The following CACNA1I variants were observed in gnomAD, a reference collection of about 807,000 sequenced individuals.
The protein encoded by CACNA1I is calcium voltage-gated channel subunit alpha1 I, also known as voltage-dependent T-type calcium channel subunit alpha-1I.
CACNA1I carries 74 observed loss-of-function variants against 201.6 expected under a neutral mutation model. The observed-to-expected ratio is 0.37, with a 90% CI of 0.30 to 0.45. CACNA1I has a LOEUF of 0.45. CACNA1I is among the 20% of genes least tolerant of loss of function. The pLI is 1.00. For missense variants in CACNA1I, 2,346 were observed against 3,138.1 expected, an observed-to-expected ratio of 0.75 and a Z score of 6.03; for synonymous variants, 1,431 against 1,345.2, an observed-to-expected ratio of 1.06 and a Z score of -1.40.
Position 39,641,122 on chromosome 22 carries a change from C to T in CACNA1I, c.996C>T (p.Asn332=). The T allele has an allele frequency of 1.2e-6, 2 of 1,614,004 alleles. No individual in the cohort carries two copies. Among genetic ancestry groups the T allele is most frequent in the Non-Finnish European group, 1.7e-6 (2 of 1,179,884 alleles). Residue 332 remains asparagine (N), a synonymous_variant, in exon 6 of 37, where the codon AAC becomes AAT. Coordinates refer to ENST00000402142, the MANE Select transcript of CACNA1I (RefSeq NM_021096.4). Reference sequence around the variant, plus strand: ...ATGTGTGCCGCACGGGCAGCGCCAACCCCCACAAGGGTGCCATCAACTTTG... The same window carrying T: ...ATGTGTGCCGCACGGGCAGCGCCAATCCCCACAAGGGTGCCATCAACTTTG... ...YYNVCRTGSA[N]PHKGAINFDN...
intron 1 of CACNA1I, among the ~76,000 whole-genome samples, chr22:39,579,294 T>C (rs1052340435): frequency 2.0e-5 from 3 of 152,200 alleles, no homozygotes; most frequent in African/African-American, 7.2e-5. Flanking sequence ...CTGGGGAGAC[T>C]GAGGCCCGGG....
At chr22:39,657,819 T>C (rs1934871818) in intron 10 of CACNA1I, among the ~76,000 whole-genome samples, 1 of 152,250 alleles carries the variant, frequency 6.6e-6, no homozygotes, top group Admixed American at 6.5e-5. Flanking sequence ...CCGTGTGACC[T>C]CAGGCTGGCC....
At chr22:39,680,638 C>T (rs1935675932) in intron 33 of CACNA1I, among the ~76,000 whole-genome samples, 1 of 152,192 alleles carries the variant, frequency 6.6e-6, no homozygotes, top group African/African-American at 2.4e-5. Flanking sequence ...GGCAAGCAGA[C>T]AGCTGTGGAG....
chr22:39,668,049 A>G (rs1935250986), intron 23 of CACNA1I, among the ~76,000 whole-genome samples: 1 of 152,214 alleles, frequency 6.6e-6, no homozygotes, highest in Non-Finnish European at 1.5e-5. Flanking sequence ...AGCTGAGACC[A>G]AAACCCAGGA....
chr22:39,619,758 A>C (rs1338116969), intron 4 of CACNA1I, among the ~76,000 whole-genome samples: 1 of 152,190 alleles, frequency 6.6e-6, no homozygotes, highest in Non-Finnish European at 1.5e-5. Flanking sequence ...GAAGTTGCTT[A>C]GTTTGAAGGA....
chr22:39,613,725 G>A (rs576205935), intron 3 of CACNA1I, among the ~76,000 whole-genome samples: 27 of 152,300 alleles, frequency 1.8e-4, no homozygotes, highest in African/African-American at 5.3e-4. Context: ...TAACGCTCCC[G>A]AGCCGGAGGC....
At position 39,674,228 on chromosome 22, in the gene CACNA1I, AT is replaced by A. The variant is rs369688451; in HGVS notation, c.4854+196del. ...TATGCCTCTTTCTTCCAGTTTCACC[AT>A]GTGGTTGCCAGTGCCACTCTGTGTC... On this transcript the variant is annotated intron_variant, in intron 29 of 36. Transcript: ENST00000402142. Among the ~76,000 whole-genome samples, 291 of 152,254 alleles carry A rather than the reference AT, an allele frequency of 1.9e-3. 1 individual carries two copies. The highest frequency in any genetic ancestry group is 6.9e-3 in the African/African-American group (287 of 41,552).
chr22:39,650,773 C>T (rs999356014), intron 10 of CACNA1I, among the ~76,000 whole-genome samples: 4 of 152,272 alleles, frequency 2.6e-5, no homozygotes, highest in East Asian at 1.9e-4. Context: ...GAGGAGTGGG[C>T]GCTGAGCTGA....
chr22:39,656,848 T>C, intron 10 of CACNA1I: 1 of 498,242 alleles, frequency 2.0e-6, no homozygotes, highest in Non-Finnish European at 4.0e-6. Flanking sequence ...TAACTTGTGT[T>C]GGGCGTCAAA....
Position 39,686,018 on chromosome 22 carries a change from G to C in CACNA1I, c.6285G>C (p.Pro2095=), listed in dbSNP as rs1482219490. Reference sequence around the variant, plus strand: ...ACAGCAGCGGGGGCTCCACCAGCCCGGGCTGCACCCACCACGACTCCATGG... The same window carrying C: ...ACAGCAGCGGGGGCTCCACCAGCCCCGGCTGCACCCACCACGACTCCATGG... ...RSHSSGGSTS[P]GCTHHDSMDP... Residue 2095 remains proline, a synonymous_variant, in exon 37 of 37, where the codon CCG becomes CCC. Coordinates refer to ENST00000402142, the MANE Select transcript of CACNA1I (RefSeq NM_021096.4). 18 of 1,242,760 alleles carry C rather than the reference G, an allele frequency of 1.4e-5. No individual in the cohort carries two copies. Among genetic ancestry groups the C allele is most frequent in the South Asian group, 1.1e-4 (3 of 27,270 alleles). The allele number at this position is 1,242,760 out of a possible 1,614,324, so 77.0% of individuals were successfully genotyped here.
chr22:39,649,366 C>G lies in CACNA1I; in HGVS notation c.1568-135C>G. ...AGCCGCTTCCCCAGGCACCCCTGAC[C>G]GCCTTTCCAGGCTGGGTCGGCTGGT... On this transcript the variant is annotated intron_variant, in intron 9 of 36. Transcript: ENST00000402142. The surrounding 1 kb of genome is among the most constrained non-coding windows in gnomAD (Gnocchi z 7.3). The G allele has an allele frequency of 1.1e-6, 1 of 898,294 alleles. No homozygotes were observed. 55.6% of individuals were successfully genotyped at this position (898,294 alleles called of 1,614,324 possible). A position where few individuals can be genotyped will look rare whatever the true frequency, so the allele number is the denominator to read the frequency against.
chr22:39,606,097 C>T (rs1427950539), intron 3 of CACNA1I, among the ~76,000 whole-genome samples: 1 of 152,152 alleles, frequency 6.6e-6, no homozygotes, highest in East Asian at 1.9e-4. Context: ...CAGCGTTCAT[C>T]CCTTATCTGC....
chr22:39,679,683 A>G, intron 32 of CACNA1I, 39 bp from the exon 33 acceptor site: 1 of 1,548,346 alleles, frequency 6.5e-7, no homozygotes, highest in African/African-American at 1.4e-5. Flanking sequence ...GACCCGGCTG[A>G]TAATCCCGCC....
chr22:39,589,944 A>T (rs991143260), intron 1 of CACNA1I, among the ~76,000 whole-genome samples: 1 of 151,542 alleles, frequency 6.6e-6, no homozygotes, highest in Non-Finnish European at 1.5e-5. Flanking sequence ...AAACTTGGCC[A>T]CCCCCGCCAA....
In CACNA1I at chr22:39,659,335, C is replaced by G. The variant is rs928264588; in HGVS notation, c.2331-98C>G. 3.0e-6 allele frequency: 3 copies of G among 995,962 alleles called. No individual in the cohort carries two copies. In the Admixed American group the frequency reaches 6.1e-5, roughly 20 times the overall value. 61.7% of individuals were successfully genotyped at this position (995,962 alleles called of 1,614,324 possible). On this transcript the variant is annotated intron_variant, in intron 12 of 36. Coordinates refer to ENST00000402142, the MANE Select transcript of CACNA1I (RefSeq NM_021096.4). The surrounding 1 kb of genome is among the most constrained non-coding windows in gnomAD (Gnocchi z 4.3). ...TGGGACCAACGCTGCCCCGCCTCCC[C>G]CTGCCCTGCATTTTACTGAGTTGAC...
At chr22:39,668,789 G>C (rs1437614432) in intron 24 of CACNA1I, among the ~76,000 whole-genome samples, 1 of 152,154 alleles carries the variant, frequency 6.6e-6, no homozygotes, top group Non-Finnish European at 1.5e-5. Flanking sequence ...AGAGAGGCAT[G>C]AGGTGGGGAG....
rs1934933788 is a variant in CACNA1I, at chr22:39,659,560, C to T, written c.2448+10C>T. ...CGTCACTGTGTTCCAGGTGAGTGGC[C>T]GCTGCGTGTTCATGTTTGCTGGGGA... On this transcript the variant is annotated intron_variant, in intron 13 of 36. Transcript: ENST00000402142. The surrounding 1 kb of genome is among the most constrained non-coding windows in gnomAD (Gnocchi z 4.3). 5.0e-6 allele frequency: 8 copies of T among 1,604,582 alleles called. No individual in the cohort carries two copies. The highest frequency in any genetic ancestry group is 6.0e-6 in the Non-Finnish European group (7 of 1,172,894).
Position 39,672,283 on chromosome 22 carries a change from G to A in CACNA1I, c.4624G>A (p.Gly1542Ser). 6.2e-7 allele frequency: 1 copy of A among 1,613,264 alleles called. No homozygotes were observed. The highest frequency in any genetic ancestry group is 8.5e-7 in the Non-Finnish European group (1 of 1,179,536). The part of the protein sequence containing the change: ...LEAVLKLVAF[G>S]LRRFFKDRWN... ...GGCTGTGCTGAAGCTGGTGGCATTT[G>A]GTCTGAGGCGCTTCTTCAAGGACCG... The change falls in exon 27 of 37, where the codon GGT (glycine) becomes AGT (serine). Residue 1542 changes from glycine to serine, a missense_variant. Around this residue, in one of 13 missense-constraint regions of CACNA1I, gnomAD observed 228 missense variants for 395.7 expected, o/e 0.58. Coordinates refer to ENST00000402142, the MANE Select transcript of CACNA1I (RefSeq NM_021096.4).
chr22:39,619,140 G>A (rs1029077997), intron 3 of CACNA1I, among the ~76,000 whole-genome samples, 170 bp from the exon 4 acceptor site: 10 of 152,156 alleles, frequency 6.6e-5, no homozygotes, highest in African/African-American at 2.4e-4. Context: ...GGAGACAAGG[G>A]CCACCAACCC....
Sources: allele counts gnomAD v4.1 joint callset (sites outside exome capture counted in the v4.1 genomes callset), GRCh38; gene constraint gnomAD v4.1.1; regional missense constraint gnomAD v4.1.1; non-coding constraint Gnocchi (gnomAD v3.1); transcripts MANE v1.5; gene names NCBI Gene and HGNC (gene_info 2026-07-23, HGNC 2026-07-21).